The following XYLT1 variants were observed in gnomAD, a reference collection of about 807,000 sequenced individuals.
XYLT1 encodes the protein xylosyltransferase 1.
In XYLT1, 36 loss-of-function variants were observed where a neutral mutation model predicts 91.3. The ratio of observed to expected loss-of-function variants is 0.39; its 90% CI spans 0.30 to 0.52. The LOEUF is 0.52. Among genes scored for constraint, XYLT1 ranks in the 20% least tolerant of loss-of-function variants. XYLT1 has a pLI of 0.68. For synonymous variants in XYLT1, 588 were observed against 532.0 expected, an observed-to-expected ratio of 1.11 and a Z score of -1.45; for missense variants, 1,242 against 1,284.5, an observed-to-expected ratio of 0.97 and a Z score of 0.51.
chr16:17,190,362 G>A (rs1014279911), intron 5 of XYLT1, among the ~76,000 whole-genome samples: 1 of 151,972 alleles, frequency 6.6e-6, no homozygotes, highest in Admixed American at 6.5e-5. Context: ...TGTTACATAT[G>A]TATACATGTG....
intron 10 of XYLT1, among the ~76,000 whole-genome samples, chr16:17,124,901 G>A (rs1336862799): frequency 6.6e-6 from 1 of 152,120 alleles, no homozygotes. Flanking sequence ...ACTTTCCAGT[G>A]CATTTTGCAA....
In XYLT1 at chr16:17,411,054, G is replaced by A. The variant is rs569346501; in HGVS notation, c.364-53004C>T. On this transcript the variant is annotated intron_variant, in intron 1 of 11. Transcript: ENST00000261381. ...CCAGCAGTAAAGAACCGGGGCCCTCGAACCTGCCTGCCTGGGTCTGAACCC... is the reference window on the plus strand; with the variant it reads ...CCAGCAGTAAAGAACCGGGGCCCTCAAACCTGCCTGCCTGGGTCTGAACCC... 6.6e-5 allele frequency among the ~76,000 whole-genome samples: 10 copies of A among 152,292 alleles called. No individual in the cohort carries two copies. In the South Asian group the frequency reaches 8.3e-4, roughly 13 times the overall value.
chr16:17,450,362 CAAAA>C (rs1195577105), intron 1 of XYLT1, among the ~76,000 whole-genome samples: 212 of 145,514 alleles, frequency 1.5e-3, no homozygotes, highest in African/African-American at 4.6e-3. Context: ...AACAAACAAA[CAAAA>C]AAAAAAAGGT....
intron 2 of XYLT1, among the ~76,000 whole-genome samples, chr16:17,336,115 G>T (rs1233716640): frequency 6.6e-6 from 1 of 152,208 alleles, no homozygotes; most frequent in African/African-American, 2.4e-5. Context: ...TGCGGAGGTG[G>T]ATGGAGGGCA....
At chr16:17,425,099 G>A (rs1175146000) in intron 1 of XYLT1, among the ~76,000 whole-genome samples, 1 of 152,138 alleles carries the variant, frequency 6.6e-6, no homozygotes, top group Non-Finnish European at 1.5e-5. Flanking sequence ...TCTTGGGGAC[G>A]GTTCCCAACA....
chr16:17,322,675 C>A (rs2034742254), intron 2 of XYLT1, among the ~76,000 whole-genome samples: 1 of 152,198 alleles, frequency 6.6e-6, no homozygotes. Context: ...TCAGTTTATA[C>A]TTCCATTGTC....
rs548574000 is a variant in XYLT1, at chr16:17,380,996, T to G, written c.364-22946A>C. On this transcript the variant is annotated intron_variant, in intron 1 of 11. Transcript: ENST00000261381. Reference sequence around the variant, plus strand: ...AAGAAGAATGGCAGTTTCCAGGGGCTGGGGGTGAGAGTGGACAATGAGGGG... The same window carrying G: ...AAGAAGAATGGCAGTTTCCAGGGGCGGGGGGTGAGAGTGGACAATGAGGGG... Among the ~76,000 whole-genome samples the G allele has an allele frequency of 5.9e-5, 9 of 152,344 alleles. No homozygotes were observed. The East Asian group carries it at 1.7e-3, about 29-fold the overall frequency.
intron 5 of XYLT1, among the ~76,000 whole-genome samples, chr16:17,186,036 G>A (rs1287289076): frequency 6.6e-6 from 1 of 152,154 alleles, no homozygotes; most frequent in African/African-American, 2.4e-5. Context: ...GAGAGAGAGA[G>A]AAATTGATTC....
At chr16:17,261,431 C>T (rs2033720713) in intron 2 of XYLT1, among the ~76,000 whole-genome samples, 1 of 152,080 alleles carries the variant, frequency 6.6e-6, no homozygotes, top group Non-Finnish European at 1.5e-5. Flanking sequence ...AAGTGACTTG[C>T]CCAGGGTCAC....
intron 1 of XYLT1, among the ~76,000 whole-genome samples, chr16:17,418,075 C>A (rs1320046831): frequency 6.6e-6 from 1 of 152,168 alleles, no homozygotes; most frequent in African/African-American, 2.4e-5. Flanking sequence ...ATGCAGAAAT[C>A]CAAGAAAGAA....
At chr16:17,212,994 C>G (rs895363695) in intron 3 of XYLT1, among the ~76,000 whole-genome samples, 1 of 152,176 alleles carries the variant, frequency 6.6e-6, no homozygotes, top group African/African-American at 2.4e-5. Context: ...AGGTCCTGGG[C>G]TGAGCATTTT....
intron 6 of XYLT1, among the ~76,000 whole-genome samples, chr16:17,145,842 G>T (rs1339774941): frequency 6.6e-6 from 1 of 152,248 alleles, no homozygotes; most frequent in African/African-American, 2.4e-5. Context: ...GAGCCAGTCT[G>T]CTCAGAGTTC....
intron 3 of XYLT1, among the ~76,000 whole-genome samples, chr16:17,204,718 T>G (rs1226617740): frequency 6.6e-6 from 1 of 152,164 alleles, no homozygotes; most frequent in African/African-American, 2.4e-5. Flanking sequence ...AAGCTGAGGC[T>G]TGGAGAGGTC....
At chr16:17,124,646 A>G (rs1484549730) in intron 10 of XYLT1, among the ~76,000 whole-genome samples, 5 of 152,220 alleles carry the variant, frequency 3.3e-5, no homozygotes, top group African/African-American at 1.2e-4. Flanking sequence ...TTAGATGTCT[A>G]GATCTCTAGC....
chr16:17,432,677 C>A (rs1194514898), intron 1 of XYLT1, among the ~76,000 whole-genome samples: 2 of 152,128 alleles, frequency 1.3e-5, no homozygotes, highest in African/African-American at 4.8e-5. Flanking sequence ...TAAATCACAT[C>A]TCAATAAAGT....
intron 2 of XYLT1, among the ~76,000 whole-genome samples, chr16:17,335,070 C>T (rs191363464): frequency 2.0e-5 from 3 of 150,738 alleles, no homozygotes; most frequent in Non-Finnish European, 3.0e-5. Context: ...CTCAAAAATA[C>T]AAAAATCAGC....
At position 17,277,540 on chromosome 16, in the gene XYLT1, C is replaced by T. The variant is rs570321378; in HGVS notation, c.403-18042G>A. Among the ~76,000 whole-genome samples, 10 of 152,186 alleles carry T rather than the reference C, an allele frequency of 6.6e-5. No homozygotes were observed. In the South Asian group the frequency reaches 2.1e-3, roughly 32 times the overall value. On this transcript the variant is annotated intron_variant, in intron 2 of 11. Transcript: ENST00000261381. ...GAGTAGGTGGGATTACAGGGATGCA[C>T]CACCACACCCAGCTAATTTTTGTAT...
intron 8 of XYLT1, 192 bp downstream of exon 8, chr16:17,138,163 G>GGTTATAACATCCCTGAA: frequency 1.7e-6 from 1 of 589,480 alleles, no homozygotes; most frequent in Non-Finnish European, 2.9e-6. Flanking sequence ...GAGTCAATGT[G>GGTTATAACATCCCTGAA]GTTAGAACAT....
intron 2 of XYLT1, among the ~76,000 whole-genome samples, chr16:17,278,302 T>C (rs935205501): frequency 6.6e-6 from 1 of 152,220 alleles, no homozygotes; most frequent in African/African-American, 2.4e-5. Flanking sequence ...TAGATGGCTC[T>C]TTCTGTGAAA....
Sources: gnomAD v4.1 joint callset for allele counts (sites outside exome capture counted in the v4.1 genomes callset) on GRCh38, gnomAD v4.1.1 for gene constraint, MANE v1.5 for transcripts, NCBI Gene and HGNC (gene_info 2026-07-23, HGNC 2026-07-21) for gene names.